Variants in SRC observed in about 807,000 individuals in gnomAD.
The protein encoded by SRC is SRC proto-oncogene, non-receptor tyrosine kinase, also known as proto-oncogene tyrosine-protein kinase Src.
Under a neutral mutation model 62.9 loss-of-function variants are expected in SRC, and 13 were observed. That is an observed-to-expected ratio of 0.21 (90% CI 0.13 to 0.33). The LOEUF (loss-of-function observed/expected upper bound fraction) is 0.33, where lower values mean the gene tolerates loss of function less well. Ranked by LOEUF, SRC falls within the 10% of genes least tolerant of loss-of-function variation. The probability of loss-of-function intolerance (pLI) is 1.00; values close to 1 mark genes in which losing one functional copy is unlikely to be tolerated. For missense variants in SRC, 457 were observed against 737.3 expected (o/e 0.62, Z 4.40); for synonymous variants, 302 against 317.5 (o/e 0.95, Z 0.52).
At chr20:37,386,231 G>A in intron 5 of SRC, 57 bp downstream of exon 5, 1 of 1,511,720 alleles carries the variant, frequency 6.6e-7, no homozygotes, top group Non-Finnish European at 9.2e-7. Flanking sequence ...TTCAAAGCGG[G>A]CAGGGGCTCA....
At chr20:37,359,695 C>T (rs562130905) in intron 1 of SRC, among the ~76,000 whole-genome samples, 18 of 152,158 alleles carry the variant, frequency 1.2e-4, no homozygotes, top group African/African-American at 4.3e-4. Context: ...TCAGGGAGGG[C>T]ACCTGAGCCA....
chr20:37,390,095 C>A (rs1046888612), intron 5 of SRC, among the ~76,000 whole-genome samples: 5 of 152,160 alleles, frequency 3.3e-5, no homozygotes, highest in Admixed American at 2.0e-4. Flanking sequence ...TCATCACAGT[C>A]GTCATCTCAG....
chr20:37,403,215 C>A lies in SRC; in HGVS notation c.1447C>A (p.Arg483=). 6.4e-7 allele frequency: 1 copy of A among 1,570,220 alleles called. No individual in the cohort carries two copies. Among genetic ancestry groups the A allele is most frequent in the Non-Finnish European group, 8.6e-7 (1 of 1,160,944 alleles). The change falls in exon 14 of 14, where the codon CGG becomes AGG. Residue 483 remains arginine (R), a synonymous_variant. Transcript: ENST00000373578. The surrounding 1 kb of genome is among the most constrained non-coding windows in gnomAD (Gnocchi z 7.1). ...EVLDQVERGY[R]MPCPPECPES... Reference sequence around the variant, plus strand: ...GCTGGACCAGGTGGAGCGGGGCTACCGGATGCCCTGCCCGCCGGAGTGTCC... The same window carrying A: ...GCTGGACCAGGTGGAGCGGGGCTACAGGATGCCCTGCCCGCCGGAGTGTCC...
At chr20:37,359,366 A>G (rs2069931085) in intron 1 of SRC, among the ~76,000 whole-genome samples, 2 of 152,252 alleles carry the variant, frequency 1.3e-5, no homozygotes, top group South Asian at 2.1e-4. Context: ...AGAACACAAC[A>G]AATAAGGAAA....
intron 1 of SRC, among the ~76,000 whole-genome samples, chr20:37,346,578 C>T (rs2069724564): frequency 6.6e-6 from 1 of 152,086 alleles, no homozygotes; most frequent in Admixed American, 6.5e-5. Context: ...GGGCCCTAGC[C>T]CCCGGGCCAG....
Position 37,394,286 on chromosome 20 carries a change from G to A in SRC, c.553+9G>A, listed in dbSNP as rs376120012. On this transcript the variant is annotated intron_variant, in intron 7 of 13. Coordinates refer to ENST00000373578, the MANE Select transcript of SRC (RefSeq NM_198291.3). ...AAGTGAGACCACGAAAGGTACGAGC[G>A]CTCTTGCTGGCCAACGGATACTGAG... The A allele has an allele frequency of 4.8e-5, 78 of 1,611,216 alleles. No individual in the cohort carries two copies. In the African/African-American group the frequency reaches 9.7e-4, roughly 20 times the overall value.
upstream of SRC, chr20:37,346,082 G>T (rs1336914779): frequency 2.0e-5 from 3 of 151,748 alleles, no homozygotes; most frequent in South Asian, 1.8e-4. Context: ...GGCCGCCGCC[G>T]CCTCCTCCTC....
At chr20:37,345,878 G>C (rs1046662298), upstream of SRC, among the ~76,000 whole-genome samples, 1 of 152,136 alleles carries the variant, frequency 6.6e-6, no homozygotes, top group Admixed American at 6.5e-5. Flanking sequence ...GCGCCCTGGC[G>C]GAGTGGGAGG....
intron 2 of SRC, among the ~76,000 whole-genome samples, chr20:37,382,383 A>G (rs1361109536): frequency 1.3e-5 from 2 of 152,176 alleles, no homozygotes; most frequent in Admixed American, 6.5e-5. Context: ...TGGAGAGCCC[A>G]GCTCCAGAGC....
In SRC at chr20:37,389,903, A is replaced by T. The variant is rs376035049; in HGVS notation, c.350+3729A>T. The stretch of plus-strand genomic sequence containing the variant: ...TCCTTCCCTGCTTGCTGCCCACCTG[A>T]TGAGGACCAGGCCCGGGGGAAGGTG... On this transcript the variant is annotated intron_variant, in intron 5 of 13. Transcript: ENST00000373578. 7.8e-4 allele frequency among the ~76,000 whole-genome samples: 118 copies of T among 152,208 alleles called. 2 individuals carry two copies. The South Asian group carries it at 0.023, about 30-fold the overall frequency.
rs1414163939 is a variant in SRC, at chr20:37,398,111, G to A, written c.859+257G>A. 6.6e-6 allele frequency among the ~76,000 whole-genome samples: 1 copy of A among 152,058 alleles called. No homozygotes were observed. Among genetic ancestry groups the A allele is most frequent in the Non-Finnish European group, 1.5e-5 (1 of 67,994 alleles). On this transcript the variant is annotated intron_variant, in intron 9 of 13. Transcript: ENST00000373578. This position sits in a 1 kb window ranked among gnomAD's most constrained non-coding sequence, Gnocchi z 5.2. Reference sequence around the variant, plus strand: ...GGCATTGCACAGACCTGCTGTGTAGGCTGGGCCCGGTGGCCTCACTCAGAG... The same window carrying A: ...GGCATTGCACAGACCTGCTGTGTAGACTGGGCCCGGTGGCCTCACTCAGAG...
chr20:37,366,359 C>T (rs1379957913), intron 2 of SRC, among the ~76,000 whole-genome samples: 3 of 152,310 alleles, frequency 2.0e-5, no homozygotes, highest in African/African-American at 7.2e-5. Flanking sequence ...ATGTGTATCA[C>T]AGCTTTACTG....
chr20:37,359,070 G>C (rs2069927263), intron 1 of SRC, among the ~76,000 whole-genome samples: 1 of 152,264 alleles, frequency 6.6e-6, no homozygotes, highest in Non-Finnish European at 1.5e-5. Flanking sequence ...TCTCAGACTT[G>C]CTTCTGCCCT....
At position 37,397,949 on chromosome 20, in the gene SRC, T is replaced by G; in HGVS notation, c.859+95T>G. ...TGGTCCCTTTGCCTTTAGCTGCCTC[T>G]GCTGGATGACGGGGCCCTGTTGTAA... On this transcript the variant is annotated intron_variant, in intron 9 of 13. Coordinates refer to ENST00000373578, the MANE Select transcript of SRC (RefSeq NM_198291.3). The surrounding 1 kb of genome is among the most constrained non-coding windows in gnomAD (Gnocchi z 4.1). 7.1e-7 allele frequency: 1 copy of G among 1,412,918 alleles called. No individual in the cohort carries two copies. Among genetic ancestry groups the G allele is most frequent in the Non-Finnish European group, 9.4e-7 (1 of 1,063,146 alleles). The allele number at this position is 1,412,918 out of a possible 1,614,324, so 87.5% of individuals were successfully genotyped here.
chr20:37,370,570 G>A (rs898467768), intron 2 of SRC, among the ~76,000 whole-genome samples: 1 of 152,046 alleles, frequency 6.6e-6, no homozygotes, highest in East Asian at 1.9e-4. Context: ...GAAAGACTCC[G>A]TCTCAAAAAA....
At position 37,400,338 on chromosome 20, in the gene SRC, C is replaced by T. The variant is rs960676290; in HGVS notation, c.1039+44C>T. The T allele has an allele frequency of 2.6e-6, 4 of 1,544,870 alleles. No individual in the cohort carries two copies. The African/African-American group carries it at 4.1e-5, about 16-fold the overall frequency. ...GGGCAGGGGGCAGGGGCACTCCGGA[C>T]AGGGCAGGGAGCATGAGCCTCATTT... is the stretch of plus-strand genomic sequence containing the variant. On this transcript the variant is annotated intron_variant, in intron 10 of 13. Transcript: ENST00000373578.
In SRC at chr20:37,382,759, C is replaced by T. The variant is rs948457281; in HGVS notation, c.-32C>T. 2.0e-5 allele frequency: 3 copies of T among 152,224 alleles called. No homozygotes were observed. The highest frequency in any genetic ancestry group is 4.4e-5 in the Non-Finnish European group (3 of 68,064). 9.4% of individuals were successfully genotyped at this position (152,224 alleles called of 1,614,324 possible). A position where few individuals can be genotyped will look rare whatever the true frequency, so the allele number is the denominator to read the frequency against. On this transcript the variant is annotated 5_prime_UTR_variant, in exon 3 of 14. Transcript: ENST00000373578. ...AAGACCCCAGGCTGCCTCCCAGGTC[C>T]TCTGGGACAGCCCCTGCCTTCTACC...
At chr20:37,345,870 G>T (rs2069708269), upstream of SRC, among the ~76,000 whole-genome samples, 3 of 152,272 alleles carry the variant, frequency 2.0e-5, no homozygotes, top group South Asian at 6.2e-4. Context: ...GGGGTGCGGC[G>T]CCCTGGCGGA....
In SRC at chr20:37,384,617, G is replaced by T. The variant is rs572763656; in HGVS notation, c.250+214G>T. Among the ~76,000 whole-genome samples, 8 of 152,180 alleles carry T rather than the reference G, an allele frequency of 5.3e-5. No individual in the cohort carries two copies. The South Asian group carries it at 1.7e-3, about 32-fold the overall frequency. On this transcript the variant is annotated intron_variant, in intron 4 of 13. Coordinates refer to ENST00000373578, the MANE Select transcript of SRC (RefSeq NM_198291.3). The surrounding 1 kb of genome is among the most constrained non-coding windows in gnomAD (Gnocchi z 6.7). ...CCGCTGGCTTTGGGGTGGAGCAAGC[G>T]CAAAAGACACGGGGTGTGGTTAATG...
Sources: allele counts gnomAD v4.1 joint callset (sites outside exome capture counted in the v4.1 genomes callset), GRCh38; gene constraint gnomAD v4.1.1; non-coding constraint Gnocchi (gnomAD v3.1); transcripts MANE v1.5; gene names NCBI Gene and HGNC (gene_info 2026-07-23, HGNC 2026-07-21).